Variants in CORO2A observed in about 807,000 individuals in gnomAD.
The protein encoded by CORO2A is coronin 2A.
CORO2A carries 47 observed loss-of-function variants against 62.4 expected under a neutral mutation model. The ratio of observed to expected loss-of-function variants is 0.75; its 90% confidence interval spans 0.60 to 0.96. The LOEUF (loss-of-function observed/expected upper bound fraction) is 0.96, where lower values mean the gene tolerates loss of function less well. Ranked by LOEUF, CORO2A falls within the 40% of genes least tolerant of loss-of-function variation. The probability of loss-of-function intolerance (pLI) is 0.00; values close to 1 mark genes in which losing one functional copy is unlikely to be tolerated. For missense variants in CORO2A, 610 were observed against 684.1 expected, an observed-to-expected ratio of 0.89 and a Z score of 1.21; for synonymous variants, 273 against 268.9, an observed-to-expected ratio of 1.02 and a Z score of -0.15.
chr9:98,155,638 C>T (rs1827793955), intron 2 of CORO2A, among the ~76,000 whole-genome samples: 1 of 152,236 alleles, frequency 6.6e-6, no homozygotes, highest in East Asian at 1.9e-4. Flanking sequence ...AGCCACCACG[C>T]CTGGCCTATT....
Position 98,133,232 on chromosome 9 carries a change from G to A in CORO2A, c.469-15C>T, listed in dbSNP as rs759709294. On this transcript the variant is annotated splice_polypyrimidine_tract_variant and intron_variant, in intron 4 of 11. Transcript: ENST00000375077. Reference sequence around the variant, plus strand: ...CAGATCATCACCTGCATGGCAGAGAGCCAGCTCTGAGCACAGGGGCCACCT... The same window carrying A: ...CAGATCATCACCTGCATGGCAGAGAACCAGCTCTGAGCACAGGGGCCACCT... The A allele has an allele frequency of 4.3e-6, 7 of 1,613,738 alleles. No homozygotes were observed. In the South Asian group the frequency reaches 6.6e-5, roughly 15 times the overall value.
At chr9:98,175,300 C>T (rs1828093328) in intron 1 of CORO2A, among the ~76,000 whole-genome samples, 1 of 152,136 alleles carries the variant, frequency 6.6e-6, no homozygotes, top group East Asian at 1.9e-4. Flanking sequence ...TCAGGACATG[C>T]CTGGACGATA....
In CORO2A at chr9:98,132,443, T is replaced by C. The variant is rs1287737572; in HGVS notation, c.649-142A>G. The C allele has an allele frequency of 4.7e-6, 3 of 642,490 alleles. No homozygotes were observed. The African/African-American group carries it at 5.4e-5, about 12-fold the overall frequency. 39.8% of individuals were successfully genotyped at this position (642,490 alleles called of 1,614,324 possible). A position where few individuals can be genotyped will look rare whatever the true frequency, so the allele number is the denominator to read the frequency against. On this transcript the variant is annotated intron_variant, in intron 5 of 11. Transcript: ENST00000375077. ...CACCCCAGCTCTGCCTGGAGATTCTTCCCAGGGGCACCACCTGGATCCCTC... is the reference window on the plus strand; with the variant it reads ...CACCCCAGCTCTGCCTGGAGATTCTCCCCAGGGGCACCACCTGGATCCCTC...
chr9:98,186,629 C>T (rs1444800017), intron 1 of CORO2A, among the ~76,000 whole-genome samples: 1 of 152,090 alleles, frequency 6.6e-6, no homozygotes, highest in Non-Finnish European at 1.5e-5. Flanking sequence ...AATGTATTTT[C>T]TTTGTAAATT....
At chr9:98,130,542 A>G (rs1241287459) in intron 7 of CORO2A, among the ~76,000 whole-genome samples, 2 of 152,254 alleles carry the variant, frequency 1.3e-5, no homozygotes, top group Non-Finnish European at 2.9e-5. Context: ...GAGGTCATCC[A>G]GAAGGTCTTA....
At chr9:98,133,383 G>A (rs1827439015) in intron 4 of CORO2A, among the ~76,000 whole-genome samples, 166 bp from the exon 5 acceptor site, 1 of 152,200 alleles carries the variant, frequency 6.6e-6, no homozygotes, top group Non-Finnish European at 1.5e-5. Context: ...GGCTGAAGCT[G>A]CTTGTGGCAG....
chr9:98,159,009 C>G (rs1285794290), intron 1 of CORO2A, among the ~76,000 whole-genome samples: 2 of 151,974 alleles, frequency 1.3e-5, no homozygotes, highest in Non-Finnish European at 2.9e-5. Flanking sequence ...GCCAGACGGA[C>G]CCTTCTGAAT....
At chr9:98,153,406 CTTTTT>C (rs748913791) in intron 2 of CORO2A, among the ~76,000 whole-genome samples, 3 of 129,510 alleles carry the variant, frequency 2.3e-5, no homozygotes, top group Non-Finnish European at 5.0e-5. Context: ...CGGCTGATAA[CTTTTT>C]TTTTTTTTTT....
intron 1 of CORO2A, among the ~76,000 whole-genome samples, chr9:98,183,672 A>C (rs2118937734): frequency 6.6e-6 from 1 of 152,376 alleles, no homozygotes; most frequent in East Asian, 1.9e-4. Flanking sequence ...AAAATACAGT[A>C]CAATGGGCCA....
intron 2 of CORO2A, among the ~76,000 whole-genome samples, chr9:98,140,281 G>T (rs1038304696): frequency 3.3e-5 from 5 of 152,086 alleles, no homozygotes; most frequent in African/African-American, 1.2e-4. Flanking sequence ...CTGTTGGAGG[G>T]GCTGATTGCA....
In CORO2A at chr9:98,157,475, G is replaced by T; in HGVS notation, c.186C>A (p.Val62=). 6.2e-7 allele frequency: 1 copy of T among 1,614,172 alleles called. No individual in the cohort carries two copies. Among genetic ancestry groups the T allele is most frequent in the Non-Finnish European group, 8.5e-7 (1 of 1,180,016 alleles). The change falls in exon 2 of 12, where the codon GTC becomes GTA. Residue 62 remains valine (V), a synonymous_variant. Transcript: ENST00000375077. ...TECAGGGAFL[V]IPLHQTGKLD... Reference sequence around the variant, plus strand: ...GTGTCCTTACCTGGTGCAGGGGGATGACGAGGAAGGCCCCTCCACCAGCAC... The same window carrying T: ...GTGTCCTTACCTGGTGCAGGGGGATTACGAGGAAGGCCCCTCCACCAGCAC...
At chr9:98,128,795 C>T (rs1350637128) in intron 8 of CORO2A, 76 bp from the exon 9 acceptor site, 5 of 1,162,636 alleles carry the variant, frequency 4.3e-6, no homozygotes, top group Admixed American at 1.8e-5. Flanking sequence ...CCAGGCTGCA[C>T]ACCTGGACCT....
At chr9:98,140,252 G>C (rs575940208) in intron 2 of CORO2A, among the ~76,000 whole-genome samples, 1 of 152,264 alleles carries the variant, frequency 6.6e-6, no homozygotes, top group Admixed American at 6.5e-5. Context: ...ATATTCCCGA[G>C]GTGCCCAGGG....
At chr9:98,141,274 G>A (rs367968563) in intron 2 of CORO2A, among the ~76,000 whole-genome samples, 6 of 151,906 alleles carry the variant, frequency 3.9e-5, no homozygotes, top group African/African-American at 1.2e-4. Context: ...CTGGCAGGGC[G>A]GTACCTGGAG....
intron 1 of CORO2A, among the ~76,000 whole-genome samples, chr9:98,182,895 T>G (rs892456386): frequency 6.6e-6 from 1 of 152,228 alleles, no homozygotes; most frequent in Non-Finnish European, 1.5e-5. Flanking sequence ...TCTTAATGGA[T>G]TCTAAAATAA....
chr9:98,134,665 G>A (rs983369916), intron 4 of CORO2A, 141 bp downstream of exon 4: 8 of 953,198 alleles, frequency 8.4e-6, no homozygotes, highest in African/African-American at 6.7e-5. Context: ...TCTTCCCTAG[G>A]GCATCTGGAG....
intron 10 of CORO2A, chr9:98,127,040 GT>G (rs1447461184): frequency 1.7e-6 from 1 of 604,380 alleles, no homozygotes; most frequent in Non-Finnish European, 2.9e-6. Context: ...GTGAAGCTTG[GT>G]TTGTAGGAAC....
intron 5 of CORO2A, among the ~76,000 whole-genome samples, chr9:98,132,604 C>A (rs1489406536): frequency 6.6e-6 from 1 of 152,224 alleles, no homozygotes; most frequent in Non-Finnish European, 1.5e-5. Context: ...GGCACTGTCA[C>A]CTGGCCTGTC....
At chr9:98,155,350 T>TTC (rs1199004376) in intron 2 of CORO2A, among the ~76,000 whole-genome samples, 1 of 145,282 alleles carries the variant, frequency 6.9e-6, no homozygotes, top group East Asian at 2.0e-4. Context: ...CAATTTTTTT[T>TTC]TTTTTTTTTT....
Sources: allele counts gnomAD v4.1 joint callset (sites outside exome capture counted in the v4.1 genomes callset), GRCh38; gene constraint gnomAD v4.1.1; transcripts MANE v1.5; gene names NCBI Gene and HGNC (gene_info 2026-07-23, HGNC 2026-07-21).